The following ITPR1 variants were observed in gnomAD, a reference collection of about 807,000 sequenced individuals.
ITPR1 encodes the protein inositol 1,4,5-trisphosphate-gated calcium channel ITPR1.
Under a neutral mutation model 318.4 loss-of-function variants are expected in ITPR1, and 96 were observed. The observed-to-expected ratio is 0.30, with a 90% CI of 0.26 to 0.36. The LOEUF (loss-of-function observed/expected upper bound fraction) is 0.36, where lower values mean the gene tolerates loss of function less well. ITPR1 is among the 10% of genes least tolerant of loss of function. ITPR1 has a pLI of 1.00. For missense variants in ITPR1, 2,440 were observed against 3,460.2 expected (o/e 0.71, Z 7.40); for synonymous variants, 1,312 against 1,289.9 (o/e 1.02, Z -0.37).
At chr3:4,717,094 A>G (rs1412164895) in intron 39 of ITPR1, among the ~76,000 whole-genome samples, 1 of 152,204 alleles carries the variant, frequency 6.6e-6, no homozygotes, top group African/African-American at 2.4e-5. Context: ...AAGCAAGCAC[A>G]CGGCTGTCTG....
chr3:4,709,642 G>T (rs2094829628), intron 37 of ITPR1, among the ~76,000 whole-genome samples: 1 of 152,160 alleles, frequency 6.6e-6, no homozygotes, highest in Non-Finnish European at 1.5e-5. Context: ...GGTGTTTGTT[G>T]TGTTGGTTTT....
chr3:4,839,308 C>T (rs991706834), intron 61 of ITPR1, among the ~76,000 whole-genome samples: 8 of 150,040 alleles, frequency 5.3e-5, no homozygotes, highest in African/African-American at 2.0e-4. Context: ...GCCTGGGCAA[C>T]AAGAGTGAAA....
chr3:4,628,424 G>A (rs1489960985), intron 5 of ITPR1, among the ~76,000 whole-genome samples: 2 of 152,312 alleles, frequency 1.3e-5, no homozygotes, highest in Non-Finnish European at 2.9e-5. Flanking sequence ...CACTGCTGAC[G>A]TGCTGTGTGA....
intron 4 of ITPR1, among the ~76,000 whole-genome samples, chr3:4,600,821 G>T (rs146295473): frequency 2.6e-5 from 4 of 152,274 alleles, no homozygotes; most frequent in African/African-American, 7.2e-5. Flanking sequence ...CAGAATGTCA[G>T]TAGCCATCAG....
At chr3:4,728,917 T>G (rs958516528) in intron 42 of ITPR1, among the ~76,000 whole-genome samples, 1 of 152,208 alleles carries the variant, frequency 6.6e-6, no homozygotes, top group African/African-American at 2.4e-5. Flanking sequence ...CTCCAGGAAG[T>G]TGGCATTTCA....
intron 37 of ITPR1, among the ~76,000 whole-genome samples, chr3:4,707,138 G>A (rs989392861): frequency 6.6e-6 from 1 of 152,218 alleles, no homozygotes; most frequent in African/African-American, 2.4e-5. Flanking sequence ...TAAAACAGTA[G>A]CACCTACCTC....
chr3:4,645,850 A>C, intron 10 of ITPR1, 122 bp downstream of exon 10: 1 of 845,252 alleles, frequency 1.2e-6, no homozygotes, highest in Non-Finnish European at 1.9e-6. Context: ...CTATACACCC[A>C]CATACACACA....
intron 24 of ITPR1, among the ~76,000 whole-genome samples, chr3:4,679,194 G>C (rs551223555): frequency 1.7e-4 from 26 of 152,218 alleles, no homozygotes; most frequent in Non-Finnish European, 3.8e-4. Context: ...CTGAGGTTGA[G>C]GAAACCCAGG....
intron 44 of ITPR1, among the ~76,000 whole-genome samples, chr3:4,748,255 T>G (rs1230790028): frequency 6.6e-6 from 1 of 152,170 alleles, no homozygotes; most frequent in African/African-American, 2.4e-5. Context: ...ATGAGTACAA[T>G]GTGAGGGAGC....
At chr3:4,718,690 T>G in intron 40 of ITPR1, among the ~76,000 whole-genome samples, 1 of 152,140 alleles carries the variant, frequency 6.6e-6, no homozygotes, top group East Asian at 1.9e-4. Flanking sequence ...TTATATTAAT[T>G]AGACGGGAGC....
chr3:4,770,327 A>C (rs2046107770), intron 46 of ITPR1, among the ~76,000 whole-genome samples: 1 of 152,200 alleles, frequency 6.6e-6, no homozygotes, highest in South Asian at 2.1e-4. Context: ...TATATTGTTA[A>C]TTAGTAAGGC....
chr3:4,598,456 C>T (rs2125077968), intron 4 of ITPR1, among the ~76,000 whole-genome samples: 1 of 151,900 alleles, frequency 6.6e-6, no homozygotes, highest in East Asian at 1.9e-4. Flanking sequence ...CCCGTCTCTA[C>T]AAAAAAATAC....
chr3:4,740,405 G>A (rs915068435), intron 44 of ITPR1, among the ~76,000 whole-genome samples: 3 of 152,208 alleles, frequency 2.0e-5, no homozygotes, highest in Admixed American at 1.3e-4. Context: ...TAAGCTCACT[G>A]GGAATCACAG....
intron 24 of ITPR1, 91 bp from the exon 25 acceptor site, chr3:4,680,462 T>A: frequency 8.6e-7 from 1 of 1,157,834 alleles, no homozygotes; most frequent in Non-Finnish European, 1.3e-6. Context: ...ATGCAGCTGA[T>A]ACCAGGCCCC....
In ITPR1 at chr3:4,735,358, G is replaced by C; in HGVS notation, c.5544+4G>C. 6.2e-7 allele frequency: 1 copy of C among 1,613,044 alleles called. No individual in the cohort carries two copies. Among genetic ancestry groups the C allele is most frequent in the Non-Finnish European group, 8.5e-7 (1 of 1,179,132 alleles). On this transcript the variant is annotated splice_donor_region_variant and intron_variant, in intron 44 of 61. Coordinates refer to ENST00000649015, the MANE Select transcript of ITPR1 (RefSeq NM_001378452.1). ...AGGAGGCAACACCACCATCCAGGTAGGAAGGCAGCTTGGCTACTGGTATGG... is the reference window on the plus strand; with the variant it reads ...AGGAGGCAACACCACCATCCAGGTACGAAGGCAGCTTGGCTACTGGTATGG...
chr3:4,656,861 T>C (rs2093721509), intron 12 of ITPR1, among the ~76,000 whole-genome samples: 1 of 152,216 alleles, frequency 6.6e-6, no homozygotes, highest in African/African-American at 2.4e-5. Flanking sequence ...CCTGCAAGGA[T>C]GTTAGACATG....
intron 5 of ITPR1, among the ~76,000 whole-genome samples, chr3:4,628,394 T>C (rs1342438653): frequency 1.3e-5 from 2 of 152,200 alleles, no homozygotes; most frequent in Non-Finnish European, 2.9e-5. Flanking sequence ...TTATCTGGCA[T>C]ATTAAAGATG....
At chr3:4,673,018 G>A in intron 20 of ITPR1, 118 bp from the exon 21 acceptor site, 1 of 1,071,296 alleles carries the variant, frequency 9.3e-7, no homozygotes, top group South Asian at 1.7e-5. Context: ...GGGTGTTGAT[G>A]TATGAGTTTA....
At chr3:4,497,873 A>G (rs56116244) in intron 2 of ITPR1, among the ~76,000 whole-genome samples, 22 of 152,334 alleles carry the variant, frequency 1.4e-4, no homozygotes, top group Non-Finnish European at 2.9e-4. Flanking sequence ...ATTCAGCCTT[A>G]AAAAGGGAAT....
Sources: gnomAD v4.1 joint callset for allele counts (sites outside exome capture counted in the v4.1 genomes callset) on GRCh38, gnomAD v4.1.1 for gene constraint, MANE v1.5 for transcripts, NCBI Gene and HGNC (gene_info 2026-07-23, HGNC 2026-07-21) for gene names.